SEPTIN10: variants seen among roughly 807,000 people sequenced by gnomAD.
SEPTIN10 encodes the protein septin-10.
In SEPTIN10, 66 loss-of-function variants were observed where a neutral mutation model predicts 54.8. The ratio of observed to expected loss-of-function variants is 1.21; its 90% CI spans 0.99 to 1.48. The LOEUF is 1.48. SEPTIN10 is among the 40% of genes most tolerant of loss of function. The pLI, the probability that SEPTIN10 is intolerant of heterozygous loss-of-function variation, is 0.00. For missense variants in SEPTIN10, 620 were observed against 545.6 expected, an observed-to-expected ratio of 1.14 and a Z score of -1.36; for synonymous variants, 161 against 181.0, an observed-to-expected ratio of 0.89 and a Z score of 0.89.
Position 109,565,802 on chromosome 2 carries a change from T to C in SEPTIN10, c.820A>G (p.Met274Val), listed in dbSNP as rs369310997. ...SMDEVKVGNKMVKARQYPWGV... is the reference protein window; with the variant it reads ...SMDEVKVGNKVVKARQYPWGV... ...CAAGGGTACTGGCGAGCTTTGACCA[T>C]CTTGTTTCCGACTTTTACCTCATCC... The change falls in exon 7 of 11, where the codon ATG (methionine) becomes GTG (valine). Residue 274 changes from methionine (M) to valine (V), a missense_variant. Coordinates refer to ENST00000397712, the MANE Select transcript of SEPTIN10 (RefSeq NM_144710.5). 6.2e-7 allele frequency: 1 copy of C among 1,614,046 alleles called. No individual in the cohort carries two copies. Among genetic ancestry groups the C allele is most frequent in the Non-Finnish European group, 8.5e-7 (1 of 1,179,996 alleles).
intron 5 of SEPTIN10, among the ~76,000 whole-genome samples, chr2:109,569,271 A>G (rs910970061): frequency 1.3e-5 from 2 of 152,108 alleles, no homozygotes; most frequent in Admixed American, 6.6e-5. Flanking sequence ...TCCACTAAAA[A>G]TACAAAATAA....
At chr2:109,553,544 C>CA (rs566919224) in intron 8 of SEPTIN10, among the ~76,000 whole-genome samples, 1,212 of 95,410 alleles carry the variant, frequency 0.013, 11 homozygotes, top group South Asian at 0.027. Flanking sequence ...ACTCTGTCTC[C>CA]AAAAAAAAAA....
chr2:109,583,010 C>T (rs145120509), intron 4 of SEPTIN10, among the ~76,000 whole-genome samples: 29 of 152,214 alleles, frequency 1.9e-4, no homozygotes, highest in African/African-American at 6.5e-4. Flanking sequence ...TATGTTTTAC[C>T]ATAAACAAAA....
chr2:109,594,536 A>G (rs1694854682), intron 1 of SEPTIN10, among the ~76,000 whole-genome samples: 1 of 151,890 alleles, frequency 6.6e-6, no homozygotes, highest in Non-Finnish European at 1.5e-5. Context: ...CATTCTTTCT[A>G]CAGCACAGTG....
At chr2:109,566,580 G>A (rs926893580) in intron 6 of SEPTIN10, among the ~76,000 whole-genome samples, 4 of 152,130 alleles carry the variant, frequency 2.6e-5, no homozygotes, top group African/African-American at 7.2e-5. Context: ...GTATGTGGGT[G>A]TATAGATATG....
chr2:109,544,325 C>A lies in SEPTIN10; in HGVS notation c.1350-1G>T. 1.3e-6 allele frequency: 2 copies of A among 1,581,182 alleles called. No individual in the cohort carries two copies. Among genetic ancestry groups the A allele is most frequent in the South Asian group, 1.2e-5 (1 of 84,866 alleles). On this transcript the variant is annotated splice_acceptor_variant, in intron 10 of 10. Coordinates refer to ENST00000397712, the MANE Select transcript of SEPTIN10 (RefSeq NM_144710.5). LOFTEE classifies it high-confidence loss of function. ...ACTTCTGTTTTACAAAAAATTGGAGCTGGAAAGAAAAAGAACCTTTTGATT... is the reference window on the plus strand; with the variant it reads ...ACTTCTGTTTTACAAAAAATTGGAGATGGAAAGAAAAAGAACCTTTTGATT...
chr2:109,552,230 C>T (rs376920574), intron 9 of SEPTIN10, among the ~76,000 whole-genome samples: 3 of 152,168 alleles, frequency 2.0e-5, no homozygotes, highest in Non-Finnish European at 4.4e-5. Flanking sequence ...TTCCAGGAAA[C>T]GGGTCCCTGG....
At chr2:109,602,822 C>A (rs1288034610) in intron 1 of SEPTIN10, among the ~76,000 whole-genome samples, 2 of 148,080 alleles carry the variant, frequency 1.4e-5, no homozygotes, top group African/African-American at 2.5e-5. Flanking sequence ...GAGAGAGGAG[C>A]TGAAGAAAAG....
intron 8 of SEPTIN10, among the ~76,000 whole-genome samples, chr2:109,557,567 G>A (rs933296399): frequency 1.3e-5 from 2 of 152,230 alleles, no homozygotes; most frequent in African/African-American, 4.8e-5. Context: ...GTCTCAGCAG[G>A]AGAAAGTAAT....
At chr2:109,558,769 T>C (rs1684961433) in intron 8 of SEPTIN10, among the ~76,000 whole-genome samples, 1 of 152,212 alleles carries the variant, frequency 6.6e-6, no homozygotes, top group African/African-American at 2.4e-5. Flanking sequence ...CCCAACAGGT[T>C]TGCGTAACTT....
intron 2 of SEPTIN10, among the ~76,000 whole-genome samples, chr2:109,588,963 G>A (rs1225979270): frequency 6.6e-6 from 1 of 151,060 alleles, no homozygotes; most frequent in African/African-American, 2.4e-5. Flanking sequence ...AGAAGAAAAT[G>A]AAAGGACAAT....
At chr2:109,550,325 T>C (rs1289193227) in intron 9 of SEPTIN10, among the ~76,000 whole-genome samples, 1 of 148,306 alleles carries the variant, frequency 6.7e-6, no homozygotes, top group Non-Finnish European at 1.5e-5. Flanking sequence ...TTTTTTTTTG[T>C]TTTTTGAGAC....
At chr2:109,605,720 G>A (rs1394671060) in intron 1 of SEPTIN10, 4 of 152,122 alleles carry the variant, frequency 2.6e-5, no homozygotes, top group Non-Finnish European at 5.9e-5. Context: ...TTATAATGCT[G>A]TATTAGGTTC....
At chr2:109,611,208 T>A (rs1289909267) in intron 1 of SEPTIN10, among the ~76,000 whole-genome samples, 1 of 152,066 alleles carries the variant, frequency 6.6e-6, no homozygotes, top group African/African-American at 2.4e-5. Flanking sequence ...ATAACATAAA[T>A]GTAAAACATA....
chr2:109,583,989 G>C (rs1321274828), intron 4 of SEPTIN10, among the ~76,000 whole-genome samples: 1 of 152,142 alleles, frequency 6.6e-6, no homozygotes, highest in African/African-American at 2.4e-5. Context: ...GGGACTACTA[G>C]AGTGGGAAGG....
intron 10 of SEPTIN10, chr2:109,545,537 G>T: frequency 6.5e-7 from 1 of 1,535,652 alleles, no homozygotes; most frequent in Non-Finnish European, 8.7e-7. Context: ...TCGACAGCCT[G>T]GTTCCCTTAT....
chr2:109,613,094 G>A, intron 1 of SEPTIN10: 1 of 932,912 alleles, frequency 1.1e-6, no homozygotes, highest in Non-Finnish European at 1.5e-6. Flanking sequence ...TCCAAACGGC[G>A]GTGAGATCAC....
At chr2:109,585,860 A>T (rs1692409056) in intron 2 of SEPTIN10, 22 bp from the exon 3 acceptor site, 1 of 1,586,706 alleles carries the variant, frequency 6.3e-7, no homozygotes, top group African/African-American at 1.3e-5. Flanking sequence ...TAAAAACAAA[A>T]ACAACAGCAA....
intron 10 of SEPTIN10, 135 bp from the exon 11 acceptor site, chr2:109,544,459 C>A (rs1182850977): frequency 2.2e-6 from 3 of 1,384,340 alleles, no homozygotes; most frequent in Non-Finnish European, 2.8e-6. Flanking sequence ...CCAAAAACAC[C>A]AAACCATATT....
Sources: gnomAD v4.1 joint callset for allele counts (sites outside exome capture counted in the v4.1 genomes callset) on GRCh38, gnomAD v4.1.1 for gene constraint, MANE v1.5 for transcripts, NCBI Gene and HGNC (gene_info 2026-07-23, HGNC 2026-07-21) for gene names.